Variants in TLE4 observed in about 807,000 individuals in gnomAD.
The protein encoded by TLE4 is TLE family member 4, transcriptional corepressor, also known as transducin-like enhancer protein 4.
Under a neutral mutation model 92.8 loss-of-function variants are expected in TLE4, and 8 were observed. That is an observed-to-expected ratio of 0.09 (90% CI 0.05 to 0.16). The LOEUF is 0.16. TLE4 is among the 10% of genes least tolerant of loss of function. TLE4 has a pLI of 1.00. For synonymous variants in TLE4, 371 were observed against 374.1 expected, an observed-to-expected ratio of 0.99 and a Z score of 0.10; for missense variants, 675 against 997.6, an observed-to-expected ratio of 0.68 and a Z score of 4.36.
At chr9:79,696,930 TTTG>T (rs1285947628) in intron 8 of TLE4, among the ~76,000 whole-genome samples, 3 of 152,106 alleles carry the variant, frequency 2.0e-5, no homozygotes, top group Non-Finnish European at 4.4e-5. Context: ...CCTCTCCACT[TTTG>T]TTTTTAGGGC....
intron 8 of TLE4, among the ~76,000 whole-genome samples, chr9:79,702,687 A>G (rs1042322531): frequency 6.6e-6 from 1 of 152,192 alleles, no homozygotes; most frequent in Admixed American, 6.5e-5. Flanking sequence ...TAGAGTATTC[A>G]TATAAAACCT....
chr9:79,613,354 A>G (rs958064381), intron 5 of TLE4, among the ~76,000 whole-genome samples: 2 of 152,060 alleles, frequency 1.3e-5, no homozygotes, highest in African/African-American at 4.8e-5. Flanking sequence ...TTGCTCACCT[A>G]CAGGGGAAGT....
At chr9:79,704,360 G>A (rs1277657044) in intron 8 of TLE4, among the ~76,000 whole-genome samples, 1 of 152,034 alleles carries the variant, frequency 6.6e-6, no homozygotes, top group African/African-American at 2.4e-5. Flanking sequence ...TGATCTGCCC[G>A]CCTTGGCTTC....
intron 7 of TLE4, 70 bp downstream of exon 7, chr9:79,652,864 T>C: frequency 6.8e-7 from 1 of 1,472,444 alleles, no homozygotes; most frequent in Non-Finnish European, 9.5e-7. Flanking sequence ...CTGGATGCTA[T>C]TGTTTATTCT....
rs140742756 is a variant in TLE4 at position 79,713,041 on chromosome 9, C to T, written c.1340+3342C>T. ...AGTATTTGTTGGCTAACTCACTGGT[C>T]TGTATGCTACTTAGAACAGAATTTT... is the stretch of plus-strand genomic sequence containing the variant. On this transcript the variant is annotated intron_variant, in intron 14 of 19. Coordinates refer to ENST00000376552, the MANE Select transcript of TLE4 (RefSeq NM_007005.6). Among the ~76,000 whole-genome samples the T allele has an allele frequency of 7.8e-3, 1,189 of 152,330 alleles. 12 individuals are homozygous for T. The highest frequency in any genetic ancestry group is 0.012 in the Admixed American group (183 of 15,294).
At chr9:79,576,954 T>C (rs554901599) in intron 4 of TLE4, among the ~76,000 whole-genome samples, 28 of 151,526 alleles carry the variant, frequency 1.8e-4, no homozygotes, top group South Asian at 2.1e-4. Flanking sequence ...TATATATATA[T>C]ACACACACAC....
In TLE4 at chr9:79,706,871, C is replaced by T; in HGVS notation, c.908C>T (p.Pro303Leu). Reference sequence around the variant, plus strand: ...TCTATTGCATCTTCCAGCAGTACTCCCTCCTCCAAATCCAAAGAACTTAGC... The same window carrying T: ...TCTATTGCATCTTCCAGCAGTACTCTCTCCTCCAAATCCAAAGAACTTAGC... ...PASIASSSSTPSSKSKELSLN... is the reference protein window; with the variant it reads ...PASIASSSSTLSSKSKELSLN... The change falls in exon 11 of 20, where the codon CCC (proline) becomes CTC (leucine). Residue 303 changes from proline to leucine, a missense_variant. Around this residue, in one of 5 missense-constraint regions of TLE4, gnomAD observed 280 missense variants for 287.3 expected, o/e 0.97. Transcript: ENST00000376552. 6.2e-7 allele frequency: 1 copy of T among 1,614,198 alleles called. No individual in the cohort carries two copies. Among genetic ancestry groups the T allele is most frequent in the Admixed American group, 1.7e-5 (1 of 60,026 alleles).
intron 4 of TLE4, among the ~76,000 whole-genome samples, chr9:79,592,531 C>T (rs2042971512): frequency 6.6e-6 from 1 of 152,098 alleles, no homozygotes; most frequent in African/African-American, 2.4e-5. Context: ...CCACCTCATC[C>T]TTCCAAAGTG....
intron 19 of TLE4, among the ~76,000 whole-genome samples, 156 bp from the exon 20 acceptor site, chr9:79,724,881 A>AAAAAG (rs71364489): frequency 1.0e-4 from 15 of 148,034 alleles, no homozygotes; most frequent in Admixed American, 2.1e-4. Flanking sequence ...AAAAAAAAAA[A>AAAAAG]GCAGCAGTAC....
At chr9:79,689,392 T>C (rs570602842) in intron 8 of TLE4, among the ~76,000 whole-genome samples, 6 of 152,258 alleles carry the variant, frequency 3.9e-5, no homozygotes, top group African/African-American at 1.4e-4. Flanking sequence ...TAAGCAATTA[T>C]TGTAATTGAC....
At position 79,706,763 on chromosome 9, in the gene TLE4, G is replaced by A. The variant is rs771413858; in HGVS notation, c.800G>A (p.Arg267Gln). The change falls in exon 11 of 20, where the codon CGA becomes CAA. Residue 267 changes from arginine (R) to glutamine (Q), a missense_variant. Physicochemically the swap from Arg to Gln is conservative, Grantham distance 43. Around this residue, in one of 5 missense-constraint regions of TLE4, gnomAD observed 280 missense variants for 287.3 expected, o/e 0.97. Transcript: ENST00000376552. ...CCTTTGTAGGATCCATCTTCCCCTC[G>A]AGGGAGCCCAGCACATTCCCCCAGA... ...DVSNEDPSSP[R>Q]GSPAHSPREN... The A allele has an allele frequency of 3.1e-6, 5 of 1,613,474 alleles. No individual in the cohort carries two copies. The highest frequency in any genetic ancestry group is 2.2e-5 in the East Asian group (1 of 44,874).
At chr9:79,616,487 C>A (rs1270072826) in intron 5 of TLE4, among the ~76,000 whole-genome samples, 2 of 152,132 alleles carry the variant, frequency 1.3e-5, no homozygotes, top group African/African-American at 4.8e-5. Context: ...GGAGCTAGAA[C>A]CAGCCCTCCC....
intron 8 of TLE4, among the ~76,000 whole-genome samples, chr9:79,691,256 G>C (rs577520160): frequency 3.9e-5 from 6 of 152,054 alleles, no homozygotes; most frequent in Non-Finnish European, 5.9e-5. Context: ...TAAAGTAGGG[G>C]CACCAAAAGT....
chr9:79,652,279 C>T (rs1014606474), intron 6 of TLE4, among the ~76,000 whole-genome samples: 1 of 152,090 alleles, frequency 6.6e-6, no homozygotes, highest in African/African-American at 2.4e-5. Context: ...CTCCACCTCC[C>T]GGGTTCACGC....
At chr9:79,704,663 A>C in intron 8 of TLE4, 120 bp from the exon 9 acceptor site, 1 of 1,359,228 alleles carries the variant, frequency 7.4e-7, no homozygotes, top group Non-Finnish European at 9.9e-7. Context: ...ATCTCCTCTT[A>C]ACAGCTTTGC....
At chr9:79,693,598 C>T (rs1353087389) in intron 8 of TLE4, 1 of 499,210 alleles carries the variant, frequency 2.0e-6, no homozygotes, top group Admixed American at 2.1e-5. Context: ...GTGGGACATG[C>T]ATGCACACAT....
chr9:79,706,256 G>C (rs1277931229), intron 10 of TLE4, among the ~76,000 whole-genome samples: 2 of 151,978 alleles, frequency 1.3e-5, no homozygotes, highest in Non-Finnish European at 2.9e-5. Flanking sequence ...TGTTACCTAG[G>C]CTGGGCTCAA....
At chr9:79,682,905 T>TA (rs2065027090) in intron 8 of TLE4, among the ~76,000 whole-genome samples, 1 of 152,122 alleles carries the variant, frequency 6.6e-6, no homozygotes, top group East Asian at 1.9e-4. Context: ...CTTCAGGTTA[T>TA]AAAAAAATGT....
intron 14 of TLE4, among the ~76,000 whole-genome samples, chr9:79,712,454 C>T (rs1427400829): frequency 6.6e-6 from 1 of 152,082 alleles, no homozygotes; most frequent in African/African-American, 2.4e-5. Flanking sequence ...TTTTTCAAGA[C>T]AAAACTTTTT....
Sources: allele counts gnomAD v4.1 joint callset (sites outside exome capture counted in the v4.1 genomes callset), GRCh38; gene constraint gnomAD v4.1.1; regional missense constraint gnomAD v4.1.1; transcripts MANE v1.5; gene names NCBI Gene and HGNC (gene_info 2026-07-23, HGNC 2026-07-21).